MOGAT3: variants seen among roughly 807,000 people sequenced by gnomAD.
MOGAT3 encodes 2-acylglycerol O-acyltransferase 3.
MOGAT3 carries 39 observed loss-of-function variants against 34.4 expected under a neutral mutation model. That is an observed-to-expected ratio of 1.13 (90% CI 0.88 to 1.48). The LOEUF is 1.48. Ranked by LOEUF, MOGAT3 falls within the 40% of genes most tolerant of loss-of-function variation. MOGAT3 has a pLI of 0.00. For synonymous variants in MOGAT3, 209 were observed against 179.2 expected (o/e 1.17, Z -1.33); for missense variants, 439 against 438.9 (o/e 1.00, Z 0.00).
At chr7:101,198,555 G>GT in intron 4 of MOGAT3, 71 bp downstream of exon 4, 1 of 1,440,116 alleles carries the variant, frequency 6.9e-7, no homozygotes. Context: ...ATGGGGGGGG[G>GT]TGGTCCCAGA....
At position 101,196,073 on chromosome 7, in the gene MOGAT3, C is replaced by T. The variant is rs760391879; in HGVS notation, c.899G>A (p.Arg300His). ...GACTTCCTCCTCGGTGGGGTGGAGG[C>T]GCTGGGGGACGGGGATGGGGCGGCC... ...VVGRPIPVPQRLHPTEEEVNH... is the reference protein window; with the variant it reads ...VVGRPIPVPQHLHPTEEEVNH... The change falls in exon 7 of 7, where the codon CGC becomes CAC. Residue 300 changes from arginine (R) to histidine (H), a missense_variant. Physicochemically the swap from Arg to His is conservative, Grantham distance 29. Coordinates refer to ENST00000223114, the MANE Select transcript of MOGAT3 (RefSeq NM_178176.4). 14 of 1,611,998 alleles carry T rather than the reference C, an allele frequency of 8.7e-6. No homozygotes were observed. Among genetic ancestry groups the T allele is most frequent in the South Asian group, 5.5e-5 (5 of 90,940 alleles).
At chr7:101,194,053 G>A (rs1002581262), downstream of MOGAT3, among the ~76,000 whole-genome samples, 10 of 152,264 alleles carry the variant, frequency 6.6e-5, no homozygotes, top group Middle Eastern at 3.4e-3. Context: ...GAGTGCCGTG[G>A]CACGATCTCG....
At chr7:101,200,716 C>A in intron 1 of MOGAT3, 30 bp downstream of exon 1, 1 of 1,588,830 alleles carries the variant, frequency 6.3e-7, no homozygotes. Context: ...CCTGGCAGAC[C>A]CCAGGCACCC....
At position 101,198,680 on chromosome 7, in the gene MOGAT3, C is replaced by T. The variant is rs1797868440; in HGVS notation, c.439G>A (p.Val147Met). The T allele has an allele frequency of 3.1e-6, 5 of 1,613,436 alleles. No homozygotes were observed. The highest frequency in any genetic ancestry group is 2.2e-5 in the East Asian group (1 of 44,856). The change falls in exon 4 of 7, where the codon GTG (valine) becomes ATG (methionine). Residue 147 changes from valine (V) to methionine (M), a missense_variant. Coordinates refer to ENST00000223114, the MANE Select transcript of MOGAT3 (RefSeq NM_178176.4). Reference sequence around the variant, plus strand: ...GGGAGGTAGAAGAGGCCAGCCAGCACGGCTAACCAGGGCCGGAGCCCCGGG... The same window carrying T: ...GGGAGGTAGAAGAGGCCAGCCAGCATGGCTAACCAGGGCCGGAGCCCCGGG... The part of the protein sequence containing the change: ...LFPGLRPWLA[V>M]LAGLFYLPVY...
chr7:101,199,286 G>A (rs555273747), intron 3 of MOGAT3, among the ~76,000 whole-genome samples: 86 of 151,954 alleles, frequency 5.7e-4, no homozygotes, highest in African/African-American at 1.9e-3. Context: ...GATTACAGGC[G>A]TAAGCCACCT....
rs747472139 is a variant in MOGAT3, at chr7:101,200,360, C to T, written c.217+48G>A. ...CCCCGGAGTCACCTCCCCTCACCCC[C>T]CATGTCCCCACCATCTCTGGCTACC... is the stretch of plus-strand genomic sequence containing the variant. On this transcript the variant is annotated intron_variant, in intron 2 of 6. Coordinates refer to ENST00000223114, the MANE Select transcript of MOGAT3 (RefSeq NM_178176.4). 29 of 1,610,986 alleles carry T rather than the reference C, an allele frequency of 1.8e-5. No homozygotes were observed. The Admixed American group carries it at 4.5e-4, about 25-fold the overall frequency.
intron 5 of MOGAT3, 140 bp downstream of exon 5, chr7:101,198,051 G>A: frequency 2.4e-6 from 2 of 830,562 alleles, no homozygotes; most frequent in Non-Finnish European, 3.5e-6. Flanking sequence ...GCCCTGGAGA[G>A]CCCACGTGGG....
Position 101,195,827 on chromosome 7 carries a change from A to C in MOGAT3, c.*119T>G, listed in dbSNP as rs746620593. The stretch of plus-strand genomic sequence containing the variant: ...CTTGGCCTCCCAAAGTGCTGGGATT[A>C]CAGGCATGAGGCACTGCGCTGGGCC... On this transcript the variant is annotated 3_prime_UTR_variant, in exon 7 of 7. Transcript: ENST00000223114. 4.4e-6 allele frequency: 5 copies of C among 1,135,570 alleles called. No homozygotes were observed. Among genetic ancestry groups the C allele is most frequent in the Non-Finnish European group, 6.4e-6 (5 of 787,020 alleles). The allele number at this position is 1,135,570 out of a possible 1,614,324, so 70.3% of individuals were successfully genotyped here.
chr7:101,194,075 C>G (rs372545931), downstream of MOGAT3, among the ~76,000 whole-genome samples: 2 of 152,090 alleles, frequency 1.3e-5, no homozygotes, highest in African/African-American at 4.8e-5. Context: ...CTCACTGCAC[C>G]CTTGACCTCC....
At chr7:101,198,070 C>T (rs1163383532) in intron 5 of MOGAT3, 121 bp downstream of exon 5, 54 of 1,149,010 alleles carry the variant, frequency 4.7e-5, no homozygotes, top group Non-Finnish European at 6.2e-5. Flanking sequence ...GGCCTCGGTG[C>T]AGGGCAGGGC....
Position 101,198,182 on chromosome 7 carries a change from C to T in MOGAT3, c.668+9G>A, listed in dbSNP as rs777425003. 1 of 1,606,490 alleles carries T rather than the reference C, an allele frequency of 6.2e-7. No individual in the cohort carries two copies. Among genetic ancestry groups the T allele is most frequent in the Admixed American group, 1.7e-5 (1 of 58,974 alleles). ...AGAACTGACAGGTAGGGCCTGCACG[C>T]GCACTCACCCGTGCCTCAGCGCCAG... On this transcript the variant is annotated intron_variant, in intron 5 of 6. Transcript: ENST00000223114.
In MOGAT3 at chr7:101,195,162, T is replaced by C. The variant is rs1048366041; in HGVS notation, c.*784A>G. Reference sequence around the variant, plus strand: ...GCAGCAGCTTTGTAGCACATCAGGATGGGGGCAGGTCATGCCTGGCCATGT... The same window carrying C: ...GCAGCAGCTTTGTAGCACATCAGGACGGGGGCAGGTCATGCCTGGCCATGT... On this transcript the variant is annotated 3_prime_UTR_variant, in exon 7 of 7. Coordinates refer to ENST00000223114, the MANE Select transcript of MOGAT3 (RefSeq NM_178176.4). 6.6e-6 allele frequency: 1 copy of C among 152,250 alleles called. No homozygotes were observed. Among genetic ancestry groups the C allele is most frequent in the African/African-American group, 2.4e-5 (1 of 41,428 alleles). 9.4% of individuals were successfully genotyped at this position (152,250 alleles called of 1,614,324 possible).
rs555669702 is a variant in MOGAT3 at position 101,195,973 on chromosome 7, G to C, written c.999C>G (p.Pro333=). The C allele has an allele frequency of 1.2e-6, 2 of 1,614,138 alleles. No individual in the cohort carries two copies. The highest frequency in any genetic ancestry group is 8.5e-7 in the Non-Finnish European group (1 of 1,180,034). The change falls in exon 7 of 7, where the codon CCC becomes CCG. Residue 333 remains proline (P), a synonymous_variant. Transcript: ENST00000223114. ...AGATGAAGGTGAGGCAGGTGGAAGC[G>C]GGGACCCCACAGCTTTCCTTGTGCT... ...FEEHKESCGV[P]ASTCLTFI
downstream of MOGAT3, among the ~76,000 whole-genome samples, chr7:101,194,190 A>AT (rs1250633536): frequency 1.5e-3 from 213 of 143,750 alleles, 1 homozygote; most frequent in African/African-American, 4.1e-3. Flanking sequence ...CATTTTTTTC[A>AT]TTTTTTTTTC....
downstream of MOGAT3, among the ~76,000 whole-genome samples, chr7:101,194,030 G>A (rs764423830): frequency 3.3e-5 from 5 of 152,034 alleles, no homozygotes; most frequent in African/African-American, 7.2e-5. Flanking sequence ...GTCTCGCTTC[G>A]TTACCCAGGC....
intron 1 of MOGAT3, 86 bp downstream of exon 1, chr7:101,200,660 G>A: frequency 7.5e-7 from 1 of 1,339,472 alleles, no homozygotes; most frequent in Non-Finnish European, 1.0e-6. Flanking sequence ...CTGTCCTCAG[G>A]CATGCAAGCC....
chr7:101,198,908 G>T, intron 3 of MOGAT3, 78 bp from the exon 4 acceptor site: 1 of 1,319,668 alleles, frequency 7.6e-7, no homozygotes, highest in Non-Finnish European at 1.1e-6. Context: ...CACCCCAACA[G>T]AGTTCCGAGT....
intron 3 of MOGAT3, among the ~76,000 whole-genome samples, chr7:101,199,322 C>CT (rs1797889734): frequency 6.6e-6 from 1 of 150,510 alleles, no homozygotes; most frequent in South Asian, 2.1e-4. Flanking sequence ...TTTTTCTTTT[C>CT]TTTTTTTGAG....
intron 1 of MOGAT3, 77 bp downstream of exon 1, chr7:101,200,669 C>A: frequency 7.2e-7 from 1 of 1,386,098 alleles, no homozygotes. Flanking sequence ...GGCATGCAAG[C>A]CAGCAGCCCA....
Sources: allele counts gnomAD v4.1 joint callset (sites outside exome capture counted in the v4.1 genomes callset), GRCh38; gene constraint gnomAD v4.1.1; transcripts MANE v1.5; gene names NCBI Gene and HGNC (gene_info 2026-07-23, HGNC 2026-07-21).